The following OR9Q1 variants were observed in gnomAD, a reference collection of about 807,000 sequenced individuals.
OR9Q1 encodes olfactory receptor family 9 subfamily Q member 1.
For missense variants in OR9Q1, 374 were observed against 378.8 expected, an observed-to-expected ratio of 0.99 and a Z score of 0.11; for synonymous variants, 153 against 148.6, an observed-to-expected ratio of 1.03 and a Z score of -0.22.
At chr11:58,099,391 A>G (rs1853762505) in intron 2 of OR9Q1, among the ~76,000 whole-genome samples, 1 of 151,140 alleles carries the variant, frequency 6.6e-6, no homozygotes, top group Non-Finnish European at 1.5e-5. Context: ...AAGCTATGTT[A>G]TTGGGTGCAC....
intron 2 of OR9Q1, among the ~76,000 whole-genome samples, chr11:58,096,273 T>C (rs1853730558): frequency 6.6e-6 from 1 of 152,016 alleles, no homozygotes; most frequent in Non-Finnish European, 1.5e-5. Context: ...TATAGCTGAA[T>C]GAATTTAAAA....
chr11:58,153,697 A>G (rs1212012377), intron 2 of OR9Q1, among the ~76,000 whole-genome samples: 3 of 152,168 alleles, frequency 2.0e-5, no homozygotes, highest in Admixed American at 2.0e-4. Flanking sequence ...TCTATCACAG[A>G]TAAAAGTGGA....
intron 2 of OR9Q1, among the ~76,000 whole-genome samples, chr11:58,121,412 T>A (rs934436210): frequency 2.0e-5 from 3 of 152,190 alleles, no homozygotes; most frequent in African/African-American, 7.2e-5. Context: ...AAGTCATCTC[T>A]ACTCTCCCAG....
intron 2 of OR9Q1, among the ~76,000 whole-genome samples, chr11:58,155,225 C>T (rs1161312139): frequency 1.3e-5 from 2 of 152,036 alleles, no homozygotes; most frequent in Non-Finnish European, 2.9e-5. Context: ...TTTCTCTTTT[C>T]CCTTAAGTTC....
intron 2 of OR9Q1, among the ~76,000 whole-genome samples, chr11:58,114,099 C>T (rs1853928157): frequency 6.6e-6 from 1 of 152,136 alleles, no homozygotes; most frequent in African/African-American, 2.4e-5. Flanking sequence ...CACCTTTGAA[C>T]CCACCCCAGC....
intron 2 of OR9Q1, among the ~76,000 whole-genome samples, chr11:58,151,486 T>A (rs1173398757): frequency 6.6e-6 from 1 of 152,198 alleles, no homozygotes; most frequent in Non-Finnish European, 1.5e-5. Flanking sequence ...AATCCAAATC[T>A]GCAGAAGACG....
At position 58,179,502 on chromosome 11, in the gene OR9Q1, T is replaced by A. The variant is rs750232132; in HGVS notation, c.58T>A (p.Tyr20Asn). 8 of 1,604,364 alleles carry A rather than the reference T, an allele frequency of 5.0e-6. No homozygotes were observed. In the African/African-American group the frequency reaches 1.1e-4, roughly 21 times the overall value. ...TEFLLIAFTE[Y>N]PEWALPLFLL... is the part of the protein sequence containing the mutation. Reference sequence around the variant, plus strand: ...GTTCCTCCTTATTGCATTCACTGAATATCCTGAATGGGCACTCCCTCTCTT... The same window carrying A: ...GTTCCTCCTTATTGCATTCACTGAAAATCCTGAATGGGCACTCCCTCTCTT... The change falls in exon 3 of 3, where the codon TAT becomes AAT. Residue 20 changes from tyrosine (Y) to asparagine (N), a missense_variant. Coordinates refer to ENST00000335397, the MANE Select transcript of OR9Q1 (RefSeq NM_001005212.4).
chr11:58,173,124 CTTTAT>C (rs906448119), intron 2 of OR9Q1, among the ~76,000 whole-genome samples: 13 of 151,776 alleles, frequency 8.6e-5, no homozygotes, highest in Admixed American at 2.6e-4. Context: ...ATGGTATTTT[CTTTAT>C]TTTATTTTAT....
intron 2 of OR9Q1, among the ~76,000 whole-genome samples, chr11:58,124,979 A>G (rs1854074645): frequency 6.6e-6 from 1 of 152,150 alleles, no homozygotes; most frequent in Middle Eastern, 3.2e-3. Flanking sequence ...TACCTTGTCC[A>G]AGGTCACATG....
intron 2 of OR9Q1, among the ~76,000 whole-genome samples, chr11:58,170,354 C>A (rs1310918259): frequency 2.0e-5 from 3 of 151,982 alleles, no homozygotes; most frequent in African/African-American, 7.2e-5. Context: ...GAAAACAACT[C>A]TTTATCATAG....
chr11:58,128,877 TAAA>T (rs1356069537), intron 2 of OR9Q1, among the ~76,000 whole-genome samples: 1 of 152,096 alleles, frequency 6.6e-6, no homozygotes, highest in Non-Finnish European at 1.5e-5. Flanking sequence ...AAACATCACA[TAAA>T]AAAGGCAAAT....
chr11:58,029,462 T>A (rs1021478987), intron 1 of OR9Q1, among the ~76,000 whole-genome samples: 4 of 152,200 alleles, frequency 2.6e-5, no homozygotes, highest in Admixed American at 2.6e-4. Flanking sequence ...AGAACCCAGA[T>A]TCAATGGGAA....
At chr11:58,059,421 C>T (rs912684547) in intron 2 of OR9Q1, among the ~76,000 whole-genome samples, 2 of 151,900 alleles carry the variant, frequency 1.3e-5, no homozygotes, top group African/African-American at 2.4e-5. Flanking sequence ...CAGGGCCGGG[C>T]ACAGTGGCTC....
rs142697618 is a variant in OR9Q1, at chr11:58,130,523, G to A, written c.-14-48908G>A. ...TGCCCTTTTCCTGGCTGGGTGTGGT[G>A]GCTTGTGCCTGTAATCCCAGCACTT... is the stretch of plus-strand genomic sequence containing the variant. On this transcript the variant is annotated intron_variant, in intron 2 of 2. Transcript: ENST00000335397. 8.3e-4 allele frequency among the ~76,000 whole-genome samples: 127 copies of A among 152,250 alleles called. No individual in the cohort carries two copies. The East Asian group carries it at 0.024, about 28-fold the overall frequency.
intron 2 of OR9Q1, among the ~76,000 whole-genome samples, chr11:58,168,027 C>T (rs1191620084): frequency 2.6e-5 from 4 of 152,070 alleles, no homozygotes; most frequent in Admixed American, 2.0e-4. Context: ...ACAATCAACA[C>T]GGCAACCAAA....
chr11:58,097,214 T>A (rs2120078088), intron 2 of OR9Q1, among the ~76,000 whole-genome samples: 1 of 152,328 alleles, frequency 6.6e-6, no homozygotes, highest in East Asian at 1.9e-4. Context: ...ATGAATATTC[T>A]ACAGTTTGTT....
At chr11:58,038,933 G>A (rs970169862) in intron 1 of OR9Q1, among the ~76,000 whole-genome samples, 2 of 151,780 alleles carry the variant, frequency 1.3e-5, no homozygotes, top group Non-Finnish European at 2.9e-5. Context: ...CTTTGGCTGT[G>A]GAATGCTACA....
intron 2 of OR9Q1, among the ~76,000 whole-genome samples, chr11:58,176,216 T>C (rs1387680482): frequency 6.6e-6 from 1 of 152,024 alleles, no homozygotes; most frequent in Non-Finnish European, 1.5e-5. Flanking sequence ...TCTGACATTG[T>C]TCTGATGGAA....
chr11:58,179,197 T>G (rs1023433630), intron 2 of OR9Q1, among the ~76,000 whole-genome samples: 4 of 151,742 alleles, frequency 2.6e-5, no homozygotes, highest in Non-Finnish European at 5.9e-5. Context: ...TAATTTTTTT[T>G]GCATTTTTAG....
Sources: gnomAD v4.1 joint callset for allele counts (sites outside exome capture counted in the v4.1 genomes callset) on GRCh38, gnomAD v4.1.1 for gene constraint, MANE v1.5 for transcripts, NCBI Gene and HGNC (gene_info 2026-07-23, HGNC 2026-07-21) for gene names.